Variants in LARS1 observed in about 807,000 individuals in gnomAD.
The protein encoded by LARS1 is leucyl-tRNA synthetase 1, also known as leucine--tRNA ligase, cytoplasmic.
A neutral mutation model predicts 162.8 loss-of-function variants in LARS1; 100 were observed. That is an observed-to-expected ratio of 0.61 (90% CI 0.52 to 0.73). The LOEUF (loss-of-function observed/expected upper bound fraction) is 0.73. LARS1 is among the 30% of genes least tolerant of loss of function. The pLI is 0.00. For synonymous variants in LARS1, 457 were observed against 462.8 expected (o/e 0.99, Z 0.16); for missense variants, 1,258 against 1,408.9 (o/e 0.89, Z 1.71).
chr5:146,153,878 A>G lies in LARS1; in HGVS notation c.1153+15T>C, dbSNP rs1753406234. On this transcript the variant is annotated intron_variant, in intron 11 of 31. Coordinates refer to ENST00000394434, the MANE Select transcript of LARS1 (RefSeq NM_020117.11). Reference sequence around the variant, plus strand: ...TGTTTATCAAAATATTTCTAGAAATAAATAAACTCTTTACCTTTATCCTCC... The same window carrying G: ...TGTTTATCAAAATATTTCTAGAAATGAATAAACTCTTTACCTTTATCCTCC... The G allele has an allele frequency of 1.9e-6, 3 of 1,608,344 alleles. No homozygotes were observed. Among genetic ancestry groups the G allele is most frequent in the South Asian group, 2.2e-5 (2 of 90,936 alleles).
At chr5:146,166,197 C>T (rs914075907) in intron 5 of LARS1, among the ~76,000 whole-genome samples, 1 of 151,852 alleles carries the variant, frequency 6.6e-6, no homozygotes, top group Non-Finnish European at 1.5e-5. Flanking sequence ...GGTTGAATCA[C>T]GGAAAATACA....
intron 6 of LARS1, among the ~76,000 whole-genome samples, chr5:146,162,829 C>T (rs1057478823): frequency 6.6e-6 from 1 of 152,202 alleles, no homozygotes; most frequent in Non-Finnish European, 1.5e-5. Context: ...TGCTGCTTCA[C>T]CTTGCAGCAG....
chr5:146,179,673 C>T (rs1754747015), intron 1 of LARS1: 1 of 442,396 alleles, frequency 2.3e-6, no homozygotes, highest in Non-Finnish European at 4.5e-6. Flanking sequence ...AGCACCAGCT[C>T]ACCGCAGCCT....
At chr5:146,177,799 A>G (rs1754664537) in intron 1 of LARS1, 134 bp from the exon 2 acceptor site, 2 of 455,858 alleles carry the variant, frequency 4.4e-6, no homozygotes, top group Admixed American at 4.0e-5. Flanking sequence ...TTAAATGAAC[A>G]TTAAAAATTA....
intron 12 of LARS1, 75 bp from the exon 13 acceptor site, chr5:146,153,302 A>C: frequency 3.8e-6 from 4 of 1,053,958 alleles, no homozygotes; most frequent in Non-Finnish European, 5.8e-6. Flanking sequence ...GCAATCTCCA[A>C]AGTTTCTTAA....
At chr5:146,176,196 G>A (rs1419759150) in intron 2 of LARS1, among the ~76,000 whole-genome samples, 2 of 151,964 alleles carry the variant, frequency 1.3e-5, no homozygotes, top group African/African-American at 4.8e-5. Context: ...GCTTATGCCT[G>A]TAATCCCGGC....
At chr5:146,146,702 A>C (rs1753024494) in intron 15 of LARS1, among the ~76,000 whole-genome samples, 1 of 148,896 alleles carries the variant, frequency 6.7e-6, no homozygotes. Context: ...CCAACTTCCA[A>C]AATGCTCAGT....
At chr5:146,142,701 G>T (rs960017979) in intron 20 of LARS1, 171 bp downstream of exon 20, 8 of 559,210 alleles carry the variant, frequency 1.4e-5, no homozygotes, top group Admixed American at 1.3e-4. Context: ...ATTTCTGGAT[G>T]TAAGAGATAG....
intron 5 of LARS1, among the ~76,000 whole-genome samples, chr5:146,166,515 G>A (rs1451704849): frequency 1.3e-5 from 2 of 152,038 alleles, no homozygotes; most frequent in Non-Finnish European, 2.9e-5. Flanking sequence ...CTGAAGACCA[G>A]CAACATAGTG....
rs187671759 is a variant in LARS1, at chr5:146,175,100, T to C, written c.126-2326A>G. 1.2e-3 allele frequency among the ~76,000 whole-genome samples: 183 copies of C among 152,028 alleles called. 1 individual carries two copies. Among genetic ancestry groups the C allele is most frequent in the Admixed American group, 0.012 (182 of 15,274 alleles). ...TGGGTGTGGTGGCGTGCGCCTACAGTCCCACCTACTCAGGAGGCTGAGGTG... is the reference window on the plus strand; with the variant it reads ...TGGGTGTGGTGGCGTGCGCCTACAGCCCCACCTACTCAGGAGGCTGAGGTG... On this transcript the variant is annotated intron_variant, in intron 2 of 31. Transcript: ENST00000394434.
Position 146,144,673 on chromosome 5 carries a change from C to T in LARS1, c.1540G>A (p.Val514Met). 1 of 1,614,038 alleles carries T rather than the reference C, an allele frequency of 6.2e-7. No individual in the cohort carries two copies. Among genetic ancestry groups the T allele is most frequent in the Non-Finnish European group, 8.5e-7 (1 of 1,180,016 alleles). Reference sequence around the variant, plus strand: ...CATTCATCTGACGACCTGGACATCACTTGTTTCTCTGGTTCCATGTAAATA... The same window carrying T: ...CATTCATCTGACGACCTGGACATCATTTGTTTCTCTGGTTCCATGTAAATA... ...ALIYMEPEKQ[V>M]MSRSSDECVV... is the part of the protein sequence containing the mutation. The change falls in exon 16 of 32, where the codon GTG (valine) becomes ATG (methionine). Residue 514 changes from valine (V) to methionine (M), a missense_variant. Transcript: ENST00000394434.
At chr5:146,138,928 C>T in intron 21 of LARS1, 1 of 345,120 alleles carries the variant, frequency 2.9e-6, no homozygotes, top group South Asian at 2.6e-5. Flanking sequence ...TAGCATGGTT[C>T]ATGCCAAATT....
chr5:146,166,021 T>C (rs1249007136), intron 5 of LARS1, among the ~76,000 whole-genome samples: 2 of 152,180 alleles, frequency 1.3e-5, no homozygotes, highest in African/African-American at 2.4e-5. Flanking sequence ...TAAAAACAGA[T>C]GTGTATGCAT....
At chr5:146,122,835 T>C (rs1751885861) in intron 29 of LARS1, among the ~76,000 whole-genome samples, 1 of 152,044 alleles carries the variant, frequency 6.6e-6, no homozygotes, top group Non-Finnish European at 1.5e-5. Context: ...AAATCTGGCA[T>C]CTATCTGCCA....
chr5:146,134,113 G>T lies in LARS1; in HGVS notation c.2213-1032C>A, dbSNP rs2963922. On this transcript the variant is annotated intron_variant, in intron 22 of 31. Coordinates refer to ENST00000394434, the MANE Select transcript of LARS1 (RefSeq NM_020117.11). ...CCCACCTCAGCCTCCCAAAGTGCTG[G>T]GATTACAAGTGTGAGCCACCACACC... 1.5e-3 allele frequency among the ~76,000 whole-genome samples: 224 copies of T among 152,056 alleles called. 2 individuals are homozygous for T. Among genetic ancestry groups the T allele is most frequent in the African/African-American group, 4.9e-3 (204 of 41,438 alleles).
chr5:146,127,297 T>C (rs1752086989), intron 27 of LARS1, among the ~76,000 whole-genome samples: 1 of 152,092 alleles, frequency 6.6e-6, no homozygotes, highest in African/African-American at 2.4e-5. Context: ...CTTGTTAATA[T>C]ATTCCTCTGA....
chr5:146,114,044 T>A lies in LARS1; in HGVS notation c.*62A>T. 7.8e-7 allele frequency: 1 copy of A among 1,278,132 alleles called. No individual in the cohort carries two copies. Among genetic ancestry groups the A allele is most frequent in the Non-Finnish European group, 1.1e-6 (1 of 876,642 alleles). The allele number at this position is 1,278,132 out of a possible 1,614,324, so 79.2% of individuals were successfully genotyped here. On this transcript the variant is annotated 3_prime_UTR_variant, in exon 32 of 32. Coordinates refer to ENST00000394434, the MANE Select transcript of LARS1 (RefSeq NM_020117.11). ...GCCTAAGGTTCTGATAGCCAATCAG[T>A]AGACACAATCAGAGTAGTAGTATTC...
Position 146,160,473 on chromosome 5 carries a change from C to T in LARS1, c.608G>A (p.Arg203His), listed in dbSNP as rs761242257. ...KRMGLKVDWR[R>H]SFITTDVNPY... ...ATTAACATCAGTGGTGATGAAGGAA[C>T]GACGCCAGTCTACCTATAAAAGGAA... The change falls in exon 7 of 32, where the codon CGT becomes CAT. Residue 203 changes from arginine (R) to histidine (H), a missense_variant. By Grantham distance (29) the Arg-to-His change is conservative. Transcript: ENST00000394434. The T allele has an allele frequency of 1.3e-5, 20 of 1,537,648 alleles. No individual in the cohort carries two copies. The highest frequency in any genetic ancestry group is 1.7e-5 in the Non-Finnish European group (20 of 1,145,644).
intron 15 of LARS1, among the ~76,000 whole-genome samples, chr5:146,147,116 C>A (rs952858525): frequency 9.2e-5 from 14 of 152,114 alleles, no homozygotes; most frequent in African/African-American, 3.4e-4. Context: ...TCGCCAAGGC[C>A]CAAATGGCCC....
Sources: gnomAD v4.1 joint callset for allele counts (sites outside exome capture counted in the v4.1 genomes callset) on GRCh38, gnomAD v4.1.1 for gene constraint, MANE v1.5 for transcripts, NCBI Gene and HGNC (gene_info 2026-07-23, HGNC 2026-07-21) for gene names.